FGF2: variants seen among roughly 807,000 people sequenced by gnomAD.
The protein encoded by FGF2 is fibroblast growth factor 2.
Under a neutral mutation model 15.9 loss-of-function variants are expected in FGF2, and 13 were observed. The ratio of observed to expected loss-of-function variants is 0.82; its 90% CI spans 0.53 to 1.30. FGF2 has a LOEUF of 1.30. Among genes scored for constraint, FGF2 ranks in the 50% most tolerant of loss-of-function variants. The pLI is 0.00. For synonymous variants in FGF2, 90 were observed against 78.4 expected (o/e 1.15, Z -0.78); for missense variants, 163 against 196.9 (o/e 0.83, Z 1.03).
intron 2 of FGF2, among the ~76,000 whole-genome samples, chr4:122,891,419 C>G (rs544357162): frequency 1.4e-4 from 20 of 141,328 alleles, no homozygotes; most frequent in African/African-American, 5.2e-4. Flanking sequence ...TGAAAGCCAG[C>G]TATCCTTTTT....
Position 122,892,402 on chromosome 4 carries a change from A to G in FGF2, c.*6A>G, listed in dbSNP as rs374325832. ...CAATGTCTGCTAAGAGCTGATTTTA[A>G]TGGCCACATCTAATCTCATTTCACA... is the stretch of plus-strand genomic sequence containing the variant. On this transcript the variant is annotated 3_prime_UTR_variant, in exon 3 of 3. Transcript: ENST00000644866. The G allele has an allele frequency of 1.9e-6, 3 of 1,613,586 alleles. No individual in the cohort carries two copies. Among genetic ancestry groups the G allele is most frequent in the African/African-American group, 2.7e-5 (2 of 74,926 alleles).
chr4:122,852,171 G>A (rs576422057), intron 1 of FGF2, among the ~76,000 whole-genome samples: 1 of 152,324 alleles, frequency 6.6e-6, no homozygotes, highest in Admixed American at 6.5e-5. Context: ...TCTGTGGGTT[G>A]GCCTGGGTGC....
chr4:122,874,664 A>AT (rs1305012788), intron 1 of FGF2, among the ~76,000 whole-genome samples: 17 of 152,068 alleles, frequency 1.1e-4, no homozygotes, highest in Non-Finnish European at 2.5e-4. Flanking sequence ...ATATTAGCTT[A>AT]TTTTAAAGCT....
intron 2 of FGF2, among the ~76,000 whole-genome samples, chr4:122,877,742 A>G (rs1053501677): frequency 6.6e-6 from 1 of 152,206 alleles, no homozygotes; most frequent in African/African-American, 2.4e-5. Context: ...ATCTAACAGT[A>G]CTAAGAAATT....
chr4:122,866,285 G>A (rs1578469008), intron 1 of FGF2, among the ~76,000 whole-genome samples: 1 of 151,750 alleles, frequency 6.6e-6, no homozygotes, highest in Admixed American at 6.6e-5. Flanking sequence ...GGAGAATGGC[G>A]TGAACCCAGG....
At chr4:122,854,176 T>A (rs1200243271) in intron 1 of FGF2, among the ~76,000 whole-genome samples, 1 of 152,218 alleles carries the variant, frequency 6.6e-6, no homozygotes, top group Non-Finnish European at 1.5e-5. Flanking sequence ...AAAAATAGCT[T>A]CTTTTTCACA....
At chr4:122,868,055 T>C (rs2150779793) in intron 1 of FGF2, among the ~76,000 whole-genome samples, 1 of 152,344 alleles carries the variant, frequency 6.6e-6, no homozygotes, top group African/African-American at 2.4e-5. Flanking sequence ...TGTTTTTTCA[T>C]CTTGTTGACA....
intron 1 of FGF2, among the ~76,000 whole-genome samples, chr4:122,875,031 G>A (rs140020694): frequency 4.1e-4 from 62 of 152,194 alleles, no homozygotes; most frequent in African/African-American, 1.2e-3. Context: ...GAGAAGTTTG[G>A]TAATAAAGAG....
intron 1 of FGF2, among the ~76,000 whole-genome samples, chr4:122,859,726 A>G (rs1401695768): frequency 1.3e-5 from 2 of 152,168 alleles, no homozygotes; most frequent in African/African-American, 2.4e-5. Flanking sequence ...AGGTAAGCTC[A>G]GTTACTTGGA....
chr4:122,826,918 G>C lies in FGF2; in HGVS notation c.-257G>C. The C allele has an allele frequency of 6.7e-7, 1 of 1,496,470 alleles. No homozygotes were observed. 92.7% of individuals were successfully genotyped at this position (1,496,470 alleles called of 1,614,324 possible). On this transcript the variant is annotated 5_prime_UTR_variant, in exon 1 of 3. Coordinates refer to ENST00000644866, the MANE Select transcript of FGF2 (RefSeq NM_001361665.2). The stretch of plus-strand genomic sequence containing the variant: ...GCGGCTCTCCCCAGGCGGCGTCCGC[G>C]GAGACACCCATCCGTGAACCCCAGG...
chr4:122,879,428 A>G (rs891570025), intron 2 of FGF2, among the ~76,000 whole-genome samples: 5 of 152,248 alleles, frequency 3.3e-5, no homozygotes, highest in South Asian at 4.1e-4. Context: ...GGAGTTGCAC[A>G]CAACATTTGC....
At chr4:122,840,866 A>G (rs193297696) in intron 1 of FGF2, among the ~76,000 whole-genome samples, 4 of 152,334 alleles carry the variant, frequency 2.6e-5, no homozygotes, top group African/African-American at 7.2e-5. Flanking sequence ...AAAACATAGG[A>G]AAGTTACCAG....
rs1325633370 is a variant in FGF2, at chr4:122,897,131, A to G, written c.*4735A>G. ...TGTTTTGACTACCTGACTATTAAAA[A>G]TAAATAGTAGATACAATTTTCATAA... is the stretch of plus-strand genomic sequence containing the variant. On this transcript the variant is annotated 3_prime_UTR_variant, in exon 3 of 3. Coordinates refer to ENST00000644866, the MANE Select transcript of FGF2 (RefSeq NM_001361665.2). 6.5e-6 allele frequency: 1 copy of G among 152,694 alleles called. No homozygotes were observed. The highest frequency in any genetic ancestry group is 1.9e-4 in the East Asian group (1 of 5,230). 9.5% of individuals were successfully genotyped at this position (152,694 alleles called of 1,614,324 possible). A position where few individuals can be genotyped will look rare whatever the true frequency, so the allele number is the denominator to read the frequency against.
intron 1 of FGF2, among the ~76,000 whole-genome samples, chr4:122,830,264 T>G (rs533832251): frequency 1.3e-5 from 2 of 152,224 alleles, no homozygotes; most frequent in South Asian, 4.2e-4. Context: ...CTTTGAAGAC[T>G]GTGATATAAA....
intron 2 of FGF2, among the ~76,000 whole-genome samples, chr4:122,886,214 C>A (rs919590665): frequency 2.6e-5 from 4 of 152,202 alleles, no homozygotes; most frequent in African/African-American, 9.6e-5. Context: ...GCCATTGCAC[C>A]TGACCTGATG....
At chr4:122,891,330 G>A (rs1312238551) in intron 2 of FGF2, among the ~76,000 whole-genome samples, 3 of 151,858 alleles carry the variant, frequency 2.0e-5, no homozygotes, top group Admixed American at 6.6e-5. Flanking sequence ...GTGAGCCACC[G>A]CGCCCGGCCG....
At position 122,897,619 on chromosome 4, in the gene FGF2, C is replaced by T; in HGVS notation, c.*5223C>T. On this transcript the variant is annotated 3_prime_UTR_variant, in exon 3 of 3. Transcript: ENST00000644866. ...AAGCCAATTAAAAATATAAAAGATACACACCAATATCTTCTTCAGGCTCTG... is the reference window on the plus strand; with the variant it reads ...AAGCCAATTAAAAATATAAAAGATATACACCAATATCTTCTTCAGGCTCTG... 1 of 1,587,258 alleles carries T rather than the reference C, an allele frequency of 6.3e-7. No homozygotes were observed. Among genetic ancestry groups the T allele is most frequent in the Non-Finnish European group, 8.7e-7 (1 of 1,155,770 alleles).
chr4:122,897,736 T>A lies in FGF2; in HGVS notation c.*5340T>A. The A allele has an allele frequency of 1.7e-6, 2 of 1,150,322 alleles. No homozygotes were observed. Among genetic ancestry groups the A allele is most frequent in the Non-Finnish European group, 2.6e-6 (2 of 762,046 alleles). 71.3% of individuals were successfully genotyped at this position (1,150,322 alleles called of 1,614,324 possible). ...TAACTTTCACTAACACACACATATG[T>A]AGATTTCACAAAATCCACCTATAAT... On this transcript the variant is annotated 3_prime_UTR_variant, in exon 3 of 3. Coordinates refer to ENST00000644866, the MANE Select transcript of FGF2 (RefSeq NM_001361665.2).
rs183715639 is a variant in FGF2, at chr4:122,836,907, T to C, written c.178+9555T>C. Among the ~76,000 whole-genome samples, 4 of 152,362 alleles carry C rather than the reference T, an allele frequency of 2.6e-5. No individual in the cohort carries two copies. In the East Asian group the frequency reaches 7.7e-4, roughly 29 times the overall value. Reference sequence around the variant, plus strand: ...CTGTTAAGTAACATATTAATATTTCTAGCCAACATTAATGCTCAGTTCTAG... The same window carrying C: ...CTGTTAAGTAACATATTAATATTTCCAGCCAACATTAATGCTCAGTTCTAG... On this transcript the variant is annotated intron_variant, in intron 1 of 2. Coordinates refer to ENST00000644866, the MANE Select transcript of FGF2 (RefSeq NM_001361665.2).
Sources: allele counts gnomAD v4.1 joint callset (sites outside exome capture counted in the v4.1 genomes callset), GRCh38; gene constraint gnomAD v4.1.1; transcripts MANE v1.5; gene names NCBI Gene and HGNC (gene_info 2026-07-23, HGNC 2026-07-21).